Variants in SNX19 observed in about 807,000 individuals in gnomAD.
SNX19 encodes the protein sorting nexin 19, also known as sorting nexin-19.
A neutral mutation model predicts 85.2 loss-of-function variants in SNX19; 60 were observed. The observed-to-expected ratio is 0.70, with a 90% confidence interval of 0.57 to 0.87. SNX19 has a LOEUF of 0.87. SNX19 is among the 40% of genes least tolerant of loss of function. SNX19 has a pLI of 0.00. For synonymous variants in SNX19, 520 were observed against 470.0 expected, an observed-to-expected ratio of 1.11 and a Z score of -1.38; for missense variants, 1,201 against 1,217.8, an observed-to-expected ratio of 0.99 and a Z score of 0.21.
chr11:130,884,020 C>T (rs1356221358), intron 8 of SNX19, among the ~76,000 whole-genome samples: 1 of 152,128 alleles, frequency 6.6e-6, no homozygotes, highest in Admixed American at 6.6e-5. Context: ...TATACTTTGC[C>T]TTGCCCAACA....
Position 130,915,644 on chromosome 11 carries a change from TC to T in SNX19, c.295del (p.Glu99AsnfsTer10). The part of the protein sequence containing the change: ...PPCPEAERQL[E>X]REINRTIQMI... ...CTGGATGGTGCGGTTGATCTCCCGT[TC>T]CAGCTGCCTTTCTGCCTCAGGGCAT... On this transcript the variant is annotated frameshift_variant, in exon 1 of 11. Coordinates refer to ENST00000265909, the MANE Select transcript of SNX19 (RefSeq NM_014758.3). LOFTEE classifies it high-confidence loss of function. 1 of 1,614,248 alleles carries T rather than the reference TC, an allele frequency of 6.2e-7. No homozygotes were observed. Among genetic ancestry groups the T allele is most frequent in the Non-Finnish European group, 8.5e-7 (1 of 1,180,032 alleles).
chr11:130,910,189 T>G, intron 3 of SNX19, 52 bp from the exon 4 acceptor site: 1 of 1,613,584 alleles, frequency 6.2e-7, no homozygotes, highest in Non-Finnish European at 8.5e-7. Context: ...AGTCCCCAAA[T>G]CTCTCCACCT....
rs7109751 is a variant in SNX19, at chr11:130,873,539, G to A, written c.*4883C>T. On this transcript the variant is annotated 3_prime_UTR_variant, in exon 11 of 11. Transcript: ENST00000265909. ...CTCTGCCACTCCCTTGCAAATGACT[G>A]TGGGTAAGACATAACCACTCTGTGC... is the stretch of plus-strand genomic sequence containing the variant. Among the ~76,000 whole-genome samples, 1,176 of 152,194 alleles carry A rather than the reference G, an allele frequency of 7.7e-3. 16 individuals carry two copies. The highest frequency in any genetic ancestry group is 0.027 in the African/African-American group (1,123 of 41,542).
intron 5 of SNX19, among the ~76,000 whole-genome samples, chr11:130,907,097 G>A (rs1330497743): frequency 6.6e-6 from 1 of 152,188 alleles, no homozygotes; most frequent in African/African-American, 2.4e-5. Context: ...CATAGAGCAA[G>A]TTTTCATTAT....
chr11:130,911,316 C>T, intron 2 of SNX19: 1 of 425,518 alleles, frequency 2.4e-6, no homozygotes, highest in Non-Finnish European at 3.4e-6. Flanking sequence ...TTAAGAACCA[C>T]CAATCTATGA....
intron 8 of SNX19, among the ~76,000 whole-genome samples, chr11:130,891,444 G>A (rs1211465677): frequency 6.6e-6 from 1 of 152,322 alleles, no homozygotes; most frequent in East Asian, 1.9e-4. Flanking sequence ...CTGGAGGAGA[G>A]AGACAGCTGC....
chr11:130,911,015 T>C (rs1946069334), intron 2 of SNX19, among the ~76,000 whole-genome samples: 1 of 151,946 alleles, frequency 6.6e-6, no homozygotes, highest in African/African-American at 2.4e-5. Context: ...ACCAACATGG[T>C]GAAACCCCAT....
rs1437393220 is a variant in SNX19, at chr11:130,880,916, C to A, written c.2574-110G>T. The A allele has an allele frequency of 3.2e-6, 3 of 929,418 alleles. No individual in the cohort carries two copies. In the East Asian group the frequency reaches 7.6e-5, roughly 24 times the overall value. 57.6% of individuals were successfully genotyped at this position (929,418 alleles called of 1,614,324 possible). ...GCAGATTCGTGTGTCAAAATCCTAA[C>A]CCTCAAGGTGATGGCAGTAGGAGGT... is the stretch of plus-strand genomic sequence containing the variant. On this transcript the variant is annotated intron_variant, in intron 8 of 10. Coordinates refer to ENST00000265909, the MANE Select transcript of SNX19 (RefSeq NM_014758.3).
rs920164100 is a variant in SNX19 at position 130,905,767 on chromosome 11, C to T, written c.2443+186G>A. ...TGTGCCCTGTTCTGCTGCTTGATTC[C>T]GCTGTGGCAACTATGTACTACTCAT... is the stretch of plus-strand genomic sequence containing the variant. On this transcript the variant is annotated intron_variant, in intron 7 of 10. Transcript: ENST00000265909. 14 of 1,537,354 alleles carry T rather than the reference C, an allele frequency of 9.1e-6. No homozygotes were observed. The African/African-American group carries it at 1.2e-4, about 14-fold the overall frequency.
At chr11:130,896,432 C>T (rs2135350617) in intron 8 of SNX19, among the ~76,000 whole-genome samples, 1 of 152,290 alleles carries the variant, frequency 6.6e-6, no homozygotes, top group Admixed American at 6.5e-5. Flanking sequence ...TTATATGCTA[C>T]CATCAGATGC....
At position 130,910,087 on chromosome 11, in the gene SNX19, G is replaced by C; in HGVS notation, c.1965C>G (p.Phe655Leu). 2 of 1,614,106 alleles carry C rather than the reference G, an allele frequency of 1.2e-6. No homozygotes were observed. Among genetic ancestry groups the C allele is most frequent in the Non-Finnish European group, 1.7e-6 (2 of 1,180,018 alleles). ...TACGAGCATCTGTGTTCAGAGCAAG[G>C]AACTCCTGCACCTCCTCACTGTTAG... ...EIANSEEVQE[F>L]LALNTDARIA... The change falls in exon 4 of 11, where the codon TTC (phenylalanine) becomes TTG (leucine). Residue 655 changes from phenylalanine to leucine, a missense_variant. Coordinates refer to ENST00000265909, the MANE Select transcript of SNX19 (RefSeq NM_014758.3).
At chr11:130,906,744 A>T (rs1174009786) in intron 5 of SNX19, 23 bp from the exon 6 acceptor site, 1 of 1,551,570 alleles carries the variant, frequency 6.4e-7, no homozygotes, top group African/African-American at 1.4e-5. Flanking sequence ...CAAAGAGCAG[A>T]AACAGGTTGT....
chr11:130,905,951 A>G lies in SNX19; in HGVS notation c.2443+2T>C. The G allele has an allele frequency of 6.2e-7, 1 of 1,614,168 alleles. No individual in the cohort carries two copies. The highest frequency in any genetic ancestry group is 8.5e-7 in the Non-Finnish European group (1 of 1,180,030). On this transcript the variant is annotated splice_donor_variant, in intron 7 of 10. Coordinates refer to ENST00000265909, the MANE Select transcript of SNX19 (RefSeq NM_014758.3). LOFTEE classifies it high-confidence loss of function. Reference sequence around the variant, plus strand: ...CATGGGAGCAGAGACCTCGCCACTCACCTGGATCGCTGTTGCTGGGGTCTT... The same window carrying G: ...CATGGGAGCAGAGACCTCGCCACTCGCCTGGATCGCTGTTGCTGGGGTCTT...
rs1371158567 is a variant in SNX19, at chr11:130,906,030, T to C, written c.2366A>G (p.Gln789Arg). The C allele has an allele frequency of 6.2e-7, 1 of 1,614,208 alleles. No individual in the cohort carries two copies. Among genetic ancestry groups the C allele is most frequent in the South Asian group, 1.1e-5 (1 of 91,080 alleles). Residue 789 changes from glutamine (Q) to arginine (R), a missense_variant, in exon 7 of 11, where the codon CAA becomes CGA. Around this residue, in one of 3 missense-constraint regions of SNX19, gnomAD observed 285 missense variants for 295.3 expected, o/e 0.97. Coordinates refer to ENST00000265909, the MANE Select transcript of SNX19 (RefSeq NM_014758.3). ...PTKAPEKDPE[Q>R]PPKGRVDSCV... ...ACTGTCCACACGTCCTTTGGGAGGT[T>C]GTTCAGGATCTTTTTCTGGGGCTTT...
At chr11:130,892,188 CT>C (rs758449723) in intron 8 of SNX19, among the ~76,000 whole-genome samples, 111 of 150,144 alleles carry the variant, frequency 7.4e-4, no homozygotes, top group Non-Finnish European at 9.7e-4. Context: ...CCTCTGAAGT[CT>C]TTCAAGTCAA....
intron 8 of SNX19, among the ~76,000 whole-genome samples, chr11:130,882,130 C>T (rs1378605331): frequency 1.3e-5 from 2 of 152,196 alleles, no homozygotes; most frequent in African/African-American, 4.8e-5. Context: ...CAACGTTATT[C>T]TTGATCTGTT....
intron 8 of SNX19, among the ~76,000 whole-genome samples, chr11:130,882,111 A>G (rs1295347855): frequency 2.0e-5 from 3 of 152,218 alleles, no homozygotes; most frequent in Non-Finnish European, 4.4e-5. Flanking sequence ...GGAAACCTAG[A>G]AAGTGGTTCA....
chr11:130,874,026 G>T lies in SNX19; in HGVS notation c.*4396C>A, dbSNP rs114547625. Among the ~76,000 whole-genome samples, 1,621 of 113,220 alleles carry T rather than the reference G, an allele frequency of 0.014. 20 individuals carry two copies. Among genetic ancestry groups the T allele is most frequent in the African/African-American group, 0.041 (1,345 of 33,042 alleles). The allele number at this position is 113,220 out of a possible 152,430, so 74.3% of individuals were successfully genotyped here. ...GCCAATGAGTCATAAGAGGTTTTTT[G>T]TTTTTTTTTTTTTTATTTGGGGTCT... On this transcript the variant is annotated 3_prime_UTR_variant, in exon 11 of 11. Coordinates refer to ENST00000265909, the MANE Select transcript of SNX19 (RefSeq NM_014758.3).
chr11:130,911,012 T>G (rs191241100), intron 2 of SNX19, among the ~76,000 whole-genome samples: 1 of 151,996 alleles, frequency 6.6e-6, no homozygotes, highest in Non-Finnish European at 1.5e-5. Context: ...CTGACCAACA[T>G]GGTGAAACCC....
Sources: gnomAD v4.1 joint callset for allele counts (sites outside exome capture counted in the v4.1 genomes callset) on GRCh38, gnomAD v4.1.1 for gene constraint, gnomAD v4.1.1 regional missense constraint, MANE v1.5 for transcripts, NCBI Gene and HGNC (gene_info 2026-07-23, HGNC 2026-07-21) for gene names.